The following MTMR7 variants were observed in gnomAD, a reference collection of about 807,000 sequenced individuals.
The protein encoded by MTMR7 is myotubularin related protein 7, also known as phosphatidylinositol-3-phosphate phosphatase MTMR7.
A neutral mutation model predicts 81.2 loss-of-function variants in MTMR7; 76 were observed. The ratio of observed to expected loss-of-function variants is 0.94; its 90% confidence interval spans 0.78 to 1.13. The LOEUF is 1.13. Ranked by LOEUF, MTMR7 falls within the 50% of genes most tolerant of loss-of-function variation. MTMR7 has a pLI of 0.00. For synonymous variants in MTMR7, 372 were observed against 289.8 expected (o/e 1.28, Z -2.88); for missense variants, 1,044 against 820.0 (o/e 1.27, Z -3.34).
At chr8:17,383,775 A>G (rs1449168568) in intron 1 of MTMR7, among the ~76,000 whole-genome samples, 1 of 146,962 alleles carries the variant, frequency 6.8e-6, no homozygotes, top group Admixed American at 6.8e-5. Context: ...TCCCCGAAAG[A>G]CTCGGTTCTC....
rs1279632955 is a variant in MTMR7, at chr8:17,298,577, A to T, written c.*1285T>A. On this transcript the variant is annotated 3_prime_UTR_variant, in exon 14 of 14. Coordinates refer to ENST00000180173, the MANE Select transcript of MTMR7 (RefSeq NM_004686.5). The stretch of plus-strand genomic sequence containing the variant: ...AATCAGATATTCAAAATATTGATGT[A>T]AATTGTAAAGTTTAAATTAATCCTT... 6.6e-6 allele frequency: 1 copy of T among 152,442 alleles called. No homozygotes were observed. The highest frequency in any genetic ancestry group is 2.4e-5 in the African/African-American group (1 of 41,308). The allele number at this position is 152,442 out of a possible 1,614,324, so 9.4% of individuals were successfully genotyped here.
chr8:17,331,056 T>G, intron 7 of MTMR7, 94 bp downstream of exon 7: 2 of 1,437,858 alleles, frequency 1.4e-6, no homozygotes, highest in Non-Finnish European at 1.9e-6. Context: ...ATCACACCTA[T>G]GTAAAAACAT....
At chr8:17,337,110 G>A (rs1312344478) in intron 6 of MTMR7, among the ~76,000 whole-genome samples, 4 of 152,084 alleles carry the variant, frequency 2.6e-5, no homozygotes, top group Non-Finnish European at 4.4e-5. Context: ...CGTGGCTCAC[G>A]CCTGTAATCC....
intron 1 of MTMR7, among the ~76,000 whole-genome samples, chr8:17,382,819 G>T (rs1383338094): frequency 6.6e-6 from 1 of 152,176 alleles, no homozygotes; most frequent in African/African-American, 2.4e-5. Flanking sequence ...GCCACAAAAT[G>T]TGCAGGTGTC....
At chr8:17,377,919 G>C (rs890804754) in intron 1 of MTMR7, among the ~76,000 whole-genome samples, 1 of 152,234 alleles carries the variant, frequency 6.6e-6, no homozygotes, top group East Asian at 1.9e-4. Context: ...AAAATAAGGG[G>C]ATAGAAACTT....
intron 1 of MTMR7, among the ~76,000 whole-genome samples, chr8:17,385,937 A>C (rs932179556): frequency 6.6e-6 from 1 of 152,188 alleles, no homozygotes; most frequent in African/African-American, 2.4e-5. Context: ...CCTAATAGTC[A>C]ATACAATACA....
At chr8:17,313,494 T>G (rs998659453) in intron 7 of MTMR7, 93 bp from the exon 8 acceptor site, 3 of 787,706 alleles carry the variant, frequency 3.8e-6, no homozygotes, top group African/African-American at 1.7e-5. Flanking sequence ...AATGATTCCT[T>G]TGTTGTATTA....
At position 17,297,878 on chromosome 8, in the gene MTMR7, T is replaced by G. The variant is rs1816817716; in HGVS notation, c.*1984A>C. On this transcript the variant is annotated 3_prime_UTR_variant, in exon 14 of 14. Transcript: ENST00000180173. Reference sequence around the variant, plus strand: ...TAAGCAGACGAACATGTTACATAAATTATAATGTCTGTCTTGTAAAAAAGT... The same window carrying G: ...TAAGCAGACGAACATGTTACATAAAGTATAATGTCTGTCTTGTAAAAAAGT... 6.6e-6 allele frequency: 1 copy of G among 152,018 alleles called. No individual in the cohort carries two copies. The highest frequency in any genetic ancestry group is 2.1e-4 in the South Asian group (1 of 4,832). 9.4% of individuals were successfully genotyped at this position (152,018 alleles called of 1,614,324 possible).
chr8:17,334,436 A>G (rs1819158542), intron 6 of MTMR7, among the ~76,000 whole-genome samples: 2 of 152,330 alleles, frequency 1.3e-5, no homozygotes, highest in South Asian at 4.1e-4. Context: ...TTCAGGTCCT[A>G]AAAGTTCTCA....
intron 5 of MTMR7, among the ~76,000 whole-genome samples, chr8:17,342,612 G>C (rs1451097659): frequency 1.3e-5 from 2 of 152,126 alleles, no homozygotes; most frequent in East Asian, 3.9e-4. Flanking sequence ...GGAGAAGGTG[G>C]GGACATTTCT....
At chr8:17,356,454 T>C (rs760190234) in intron 4 of MTMR7, among the ~76,000 whole-genome samples, 4 of 151,992 alleles carry the variant, frequency 2.6e-5, no homozygotes, top group Non-Finnish European at 4.4e-5. Context: ...ATCCCAACAT[T>C]TTGGGAGGCA....
intron 4 of MTMR7, among the ~76,000 whole-genome samples, chr8:17,350,316 G>A (rs985590705): frequency 1.3e-5 from 2 of 152,206 alleles, no homozygotes; most frequent in African/African-American, 4.8e-5. Flanking sequence ...AAAGGAAAAG[G>A]TTTAATGGAC....
intron 5 of MTMR7, among the ~76,000 whole-genome samples, chr8:17,342,480 T>C (rs1319958970): frequency 2.0e-5 from 3 of 152,072 alleles, no homozygotes; most frequent in African/African-American, 7.2e-5. Flanking sequence ...TATTGCAGGG[T>C]TCCATCCATG....
At chr8:17,320,096 G>C (rs1368051739) in intron 7 of MTMR7, among the ~76,000 whole-genome samples, 4 of 151,696 alleles carry the variant, frequency 2.6e-5, no homozygotes, top group East Asian at 1.9e-4. Context: ...GGGATAGACG[G>C]GGTTAAATAA....
chr8:17,365,200 C>T (rs576193832), intron 3 of MTMR7, among the ~76,000 whole-genome samples: 1 of 152,268 alleles, frequency 6.6e-6, no homozygotes, highest in South Asian at 2.1e-4. Flanking sequence ...TATCTGTTAG[C>T]CATCTATGTC....
At chr8:17,355,423 A>C (rs1276249474) in intron 4 of MTMR7, among the ~76,000 whole-genome samples, 2 of 152,210 alleles carry the variant, frequency 1.3e-5, no homozygotes, top group African/African-American at 2.4e-5. Flanking sequence ...CCATAAATTC[A>C]AGATATCCTG....
At chr8:17,340,979 C>T (rs1586219974) in intron 6 of MTMR7, among the ~76,000 whole-genome samples, 2 of 152,136 alleles carry the variant, frequency 1.3e-5, no homozygotes, top group South Asian at 2.1e-4. Context: ...CTGAGTACTT[C>T]GCAACAATTG....
intron 2 of MTMR7, among the ~76,000 whole-genome samples, chr8:17,372,678 T>A (rs1409723569): frequency 6.6e-6 from 1 of 152,180 alleles, no homozygotes; most frequent in African/African-American, 2.4e-5. Context: ...TACCTGATGA[T>A]GAAGCTCCTC....
At chr8:17,368,886 A>G (rs1187011035) in intron 3 of MTMR7, among the ~76,000 whole-genome samples, 1 of 152,216 alleles carries the variant, frequency 6.6e-6, no homozygotes, top group Non-Finnish European at 1.5e-5. Context: ...CTCTGTCTAC[A>G]TCTAATACCT....
Sources: gnomAD v4.1 joint callset for allele counts (sites outside exome capture counted in the v4.1 genomes callset) on GRCh38, gnomAD v4.1.1 for gene constraint, MANE v1.5 for transcripts, NCBI Gene and HGNC (gene_info 2026-07-23, HGNC 2026-07-21) for gene names.